Variants in SLC5A4 observed in about 807,000 individuals in gnomAD.
SLC5A4 encodes solute carrier family 5 member 4.
SLC5A4 carries 55 observed loss-of-function variants against 70.3 expected under a neutral mutation model. The ratio of observed to expected loss-of-function variants is 0.78; its 90% confidence interval spans 0.63 to 0.98. The LOEUF is 0.98. Among genes scored for constraint, SLC5A4 ranks in the 50% least tolerant of loss-of-function variants. SLC5A4 has a pLI of 0.00. For missense variants in SLC5A4, 735 were observed against 839.2 expected, an observed-to-expected ratio of 0.88 and a Z score of 1.53; for synonymous variants, 268 against 305.7, an observed-to-expected ratio of 0.88 and a Z score of 1.29.
At chr22:32,335,119 G>C in the SLC5A4 span, among the ~76,000 whole-genome samples, 2 of 152,310 alleles carry the variant, frequency 1.3e-5, no homozygotes, top group East Asian at 3.9e-4. Context: ...GGTCGGGAAG[G>C]AGAGCCAGAC....
At chr22:32,309,776 C>T in the SLC5A4 span, among the ~76,000 whole-genome samples, 1 of 152,114 alleles carries the variant, frequency 6.6e-6, no homozygotes, top group Non-Finnish European at 1.5e-5. Flanking sequence ...ACACATTTGA[C>T]AGATAAGAAG....
At chr22:32,249,744 A>G (rs990396416) in intron 3 of SLC5A4, among the ~76,000 whole-genome samples, 2 of 152,354 alleles carry the variant, frequency 1.3e-5, no homozygotes, top group Middle Eastern at 3.4e-3. Context: ...AGTAAGACAA[A>G]AGAACAGAAA....
At chr22:32,239,465 G>C (rs1293381039) in intron 5 of SLC5A4, among the ~76,000 whole-genome samples, 2 of 133,134 alleles carry the variant, frequency 1.5e-5, no homozygotes, top group East Asian at 5.5e-4. Context: ...CCAGGAGTTT[G>C]AGGCTGCAGT....
At chr22:32,301,002 G>A in the SLC5A4 span, among the ~76,000 whole-genome samples, 4 of 152,174 alleles carry the variant, frequency 2.6e-5, no homozygotes, top group Admixed American at 6.5e-5. Context: ...TTGCTCTGTC[G>A]CCCAGGCTGG....
the SLC5A4 span, among the ~76,000 whole-genome samples, chr22:32,336,996 A>G: frequency 2.6e-4 from 39 of 152,252 alleles, no homozygotes; most frequent in Non-Finnish European, 5.0e-4. Context: ...AAAGAAAAGC[A>G]GGACAGGGCT....
intron 6 of SLC5A4, among the ~76,000 whole-genome samples, chr22:32,238,743 G>T (rs1926206587): frequency 6.6e-6 from 1 of 152,162 alleles, no homozygotes; most frequent in Non-Finnish European, 1.5e-5. Context: ...TGAACCAAAT[G>T]ACCTGTTTCC....
chr22:32,271,774 A>T, the SLC5A4 span: 1 of 591,604 alleles, frequency 1.7e-6, no homozygotes, highest in South Asian at 1.6e-5. Context: ...ACTTCAACAG[A>T]CAGGGCAAAC....
chr22:32,302,970 A>C, the SLC5A4 span, among the ~76,000 whole-genome samples: 1 of 152,100 alleles, frequency 6.6e-6, no homozygotes, highest in Non-Finnish European at 1.5e-5. Context: ...ACATCTCTTC[A>C]TTTATTTAGA....
chr22:32,312,367 A>G, the SLC5A4 span, among the ~76,000 whole-genome samples: 74 of 99,642 alleles, frequency 7.4e-4, no homozygotes, highest in Non-Finnish European at 1.4e-3. Flanking sequence ...GCGCGCGCGC[A>G]CACACACACA....
the SLC5A4 span, among the ~76,000 whole-genome samples, chr22:32,316,934 C>CTGTGTGTG: frequency 0.068 from 10,130 of 148,652 alleles, 372 homozygotes; most frequent in African/African-American, 0.1. Flanking sequence ...ATTAACAACT[C>CTGTGTGTG]TGTGTGTGTG....
At chr22:32,269,741 G>A in the SLC5A4 span, 3,002 of 636,370 alleles carry the variant, frequency 4.7e-3, 71 homozygotes, top group African/African-American at 0.048. The surrounding 1 kb of genome is among the most constrained non-coding windows in gnomAD (Gnocchi z 4.1). Flanking sequence ...CAGCTTTCCC[G>A]CTGTGCACCC....
the SLC5A4 span, among the ~76,000 whole-genome samples, chr22:32,331,930 C>T: frequency 6.6e-6 from 1 of 152,100 alleles, no homozygotes; most frequent in Non-Finnish European, 1.5e-5. Context: ...TGCTGCTGAG[C>T]CCAAAGCCAC....
intron 1 of SLC5A4, 53 bp downstream of exon 1, chr22:32,255,142 T>C (rs1927403166): frequency 6.6e-7 from 1 of 1,512,480 alleles, no homozygotes; most frequent in East Asian, 2.3e-5. Flanking sequence ...CCCCTTAAGA[T>C]ACCCCCTCCT....
the SLC5A4 span, among the ~76,000 whole-genome samples, chr22:32,345,354 G>A: frequency 6.6e-6 from 1 of 152,074 alleles, no homozygotes; most frequent in African/African-American, 2.4e-5. Flanking sequence ...TTTGATACAA[G>A]TTGTAAAAAA....
chr22:32,273,810 C>A, the SLC5A4 span, among the ~76,000 whole-genome samples: 17 of 152,018 alleles, frequency 1.1e-4, no homozygotes, highest in African/African-American at 3.9e-4. Flanking sequence ...CAAAAACAAA[C>A]AAACAAACAA....
At chr22:32,312,482 C>T in the SLC5A4 span, among the ~76,000 whole-genome samples, 1 of 152,148 alleles carries the variant, frequency 6.6e-6, no homozygotes, top group Non-Finnish European at 1.5e-5. Flanking sequence ...AGGTATAACT[C>T]ACAGGCCTCA....
intron 5 of SLC5A4, among the ~76,000 whole-genome samples, chr22:32,245,799 G>A (rs1926785822): frequency 1.3e-5 from 2 of 152,174 alleles, no homozygotes; most frequent in Non-Finnish European, 2.9e-5. Context: ...GATTACAGGC[G>A]TGAGCCACTG....
At chr22:32,307,321 G>A in the SLC5A4 span, among the ~76,000 whole-genome samples, 1 of 152,156 alleles carries the variant, frequency 6.6e-6, no homozygotes, top group Non-Finnish European at 1.5e-5. Context: ...GTTGGCCAGG[G>A]GTTTGGACTA....
chr22:32,326,385 T>C, the SLC5A4 span, among the ~76,000 whole-genome samples: 15 of 151,710 alleles, frequency 9.9e-5, no homozygotes, highest in Middle Eastern at 3.2e-3. Flanking sequence ...GCCTCCCAAG[T>C]AGTAGGGATT....
Sources: allele counts gnomAD v4.1 joint callset (sites outside exome capture counted in the v4.1 genomes callset), GRCh38; gene constraint gnomAD v4.1.1; non-coding constraint Gnocchi (gnomAD v3.1); transcripts MANE v1.5; gene names NCBI Gene and HGNC (gene_info 2026-07-23, HGNC 2026-07-21).